The following KDM5B variants were observed in gnomAD, a reference collection of about 807,000 sequenced individuals.
KDM5B encodes lysine demethylase 5B, also known as lysine-specific demethylase 5B.
Under a neutral mutation model 193.4 loss-of-function variants are expected in KDM5B, and 144 were observed. That is an observed-to-expected ratio of 0.74 (90% CI 0.65 to 0.86). The LOEUF (loss-of-function observed/expected upper bound fraction) is 0.86. Ranked by LOEUF, KDM5B falls within the 40% of genes least tolerant of loss-of-function variation. The pLI is 0.00. For synonymous variants in KDM5B, 668 were observed against 682.6 expected, an observed-to-expected ratio of 0.98 and a Z score of 0.33; for missense variants, 1,833 against 1,886.9, an observed-to-expected ratio of 0.97 and a Z score of 0.53.
rs556320379 is a variant in KDM5B, at chr1:202,729,093, C to G, written c.4578G>C (p.Glu1526Asp). ...VCVGVSPEMA[E>D]KEDYICVRCT... is the part of the protein sequence containing the mutation. ...AGCGCACACAGATGTAGTCTTCTTT[C>G]TCTGCCATCTCTGGGGAGACACCAA... is the stretch of plus-strand genomic sequence containing the variant. The change falls in exon 27 of 27, where the codon GAG (glutamate) becomes GAC (aspartate). Residue 1526 changes from glutamate to aspartate, a missense_variant. Physicochemically the swap from Glu to Asp is conservative, Grantham distance 45. This residue lies in a region of KDM5B where 1,379 missense variants were observed against 1,349.6 expected (regional missense o/e 1.02). Transcript: ENST00000367265. The G allele has an allele frequency of 3.2e-5, 51 of 1,614,146 alleles. No homozygotes were observed. In the Admixed American group the frequency reaches 6.0e-4, roughly 19 times the overall value.
In KDM5B at chr1:202,728,675, T is replaced by C. The variant is rs12967; in HGVS notation, c.*361A>G. The C allele has an allele frequency of 1.8e-3, 296 of 167,382 alleles. No individual in the cohort carries two copies. Among genetic ancestry groups the C allele is most frequent in the Non-Finnish European group, 3.3e-3 (254 of 77,220 alleles). 10.4% of individuals were successfully genotyped at this position (167,382 alleles called of 1,614,324 possible). A position where few individuals can be genotyped will look rare whatever the true frequency, so the allele number is the denominator to read the frequency against. On this transcript the variant is annotated 3_prime_UTR_variant, in exon 27 of 27. Coordinates refer to ENST00000367265, the MANE Select transcript of KDM5B (RefSeq NM_006618.5). ...TGCCCTTTTGGGCACTGGAAGTGAG[T>C]TGGACTCTTAAGCTGGTAAATCCCA...
chr1:202,805,019 C>T (rs922683678), intron 1 of KDM5B, among the ~76,000 whole-genome samples: 8 of 152,056 alleles, frequency 5.3e-5, no homozygotes, highest in Non-Finnish European at 1.5e-5. Flanking sequence ...TATTTTTCTG[C>T]CTAATAGTTA....
intron 1 of KDM5B, among the ~76,000 whole-genome samples, chr1:202,799,894 C>A (rs985006717): frequency 7.9e-5 from 12 of 152,126 alleles, no homozygotes; most frequent in African/African-American, 2.9e-4. Flanking sequence ...TTCAAGGAAG[C>A]AGGGAGAAGT....
At chr1:202,790,791 C>T (rs1657615085) in intron 1 of KDM5B, among the ~76,000 whole-genome samples, 2 of 151,954 alleles carry the variant, frequency 1.3e-5, no homozygotes, top group African/African-American at 2.4e-5. Context: ...CCCTAGGCCC[C>T]TTTTGCCCTT....
At chr1:202,750,280 C>T (rs142769675) in intron 13 of KDM5B, among the ~76,000 whole-genome samples, 6 of 152,116 alleles carry the variant, frequency 3.9e-5, no homozygotes, top group Admixed American at 3.9e-4. Context: ...ATCCATGTGA[C>T]ATTTATTTAT....
chr1:202,738,212 T>C (rs529795264), intron 20 of KDM5B, among the ~76,000 whole-genome samples: 4 of 152,346 alleles, frequency 2.6e-5, no homozygotes, highest in African/African-American at 7.2e-5. Flanking sequence ...GTTACAAACA[T>C]AGTAAGTAGC....
chr1:202,772,756 G>T (rs1265723680), intron 4 of KDM5B, among the ~76,000 whole-genome samples: 2 of 151,920 alleles, frequency 1.3e-5, no homozygotes, highest in Non-Finnish European at 2.9e-5. Flanking sequence ...GAGTGAAGTG[G>T]CACCATCTCG....
At position 202,725,572 on chromosome 1, in the gene KDM5B, T is replaced by C. The variant is rs1344545834; in HGVS notation, c.*3464A>G. Reference sequence around the variant, plus strand: ...ACCCTGACCCTCATACATAGCTCAATAAAGGCCGACACTGGGATCTTCATT... The same window carrying C: ...ACCCTGACCCTCATACATAGCTCAACAAAGGCCGACACTGGGATCTTCATT... On this transcript the variant is annotated 3_prime_UTR_variant, in exon 27 of 27. Transcript: ENST00000367265. 6.6e-6 allele frequency: 1 copy of C among 152,210 alleles called. No homozygotes were observed. The highest frequency in any genetic ancestry group is 6.5e-5 in the Admixed American group (1 of 15,278). 9.4% of individuals were successfully genotyped at this position (152,210 alleles called of 1,614,324 possible). A position where few individuals can be genotyped will look rare whatever the true frequency, so the allele number is the denominator to read the frequency against.
At chr1:202,787,699 G>A (rs887963985) in intron 1 of KDM5B, among the ~76,000 whole-genome samples, 3 of 151,726 alleles carry the variant, frequency 2.0e-5, no homozygotes, top group East Asian at 1.9e-4. Context: ...CCTGGCCAAC[G>A]TAGTGAAACC....
At position 202,762,658 on chromosome 1, in the gene KDM5B, GA is replaced by G. The variant is rs762512555; in HGVS notation, c.918+40del. 5 of 1,150,154 alleles carry G rather than the reference GA, an allele frequency of 4.3e-6. No homozygotes were observed. In the South Asian group the frequency reaches 6.1e-5, roughly 14 times the overall value. The allele number at this position is 1,150,154 out of a possible 1,614,324, so 71.2% of individuals were successfully genotyped here. ...GGATTAAAGAAAGGAAGGGAAGAAG[GA>G]AAACAGGAAAGAAAAAGGAGAAAGG... On this transcript the variant is annotated intron_variant, in intron 7 of 26. Coordinates refer to ENST00000367265, the MANE Select transcript of KDM5B (RefSeq NM_006618.5).
chr1:202,729,262 T>G (rs981789895), intron 26 of KDM5B, 89 bp from the exon 27 acceptor site: 65 of 1,441,616 alleles, frequency 4.5e-5, no homozygotes, highest in African/African-American at 7.0e-5. Context: ...TCAGGCCGTT[T>G]GCCAATAACA....
chr1:202,796,287 T>TC, intron 1 of KDM5B: 1 of 418,278 alleles, frequency 2.4e-6, no homozygotes, highest in Admixed American at 2.7e-5. Flanking sequence ...GACCAAATGG[T>TC]CCCCGCTGTG....
chr1:202,746,344 G>A (rs757405997), intron 14 of KDM5B, 21 bp from the exon 15 acceptor site: 2 of 1,541,258 alleles, frequency 1.3e-6, no homozygotes. Flanking sequence ...GTATACTTTA[G>A]AGAGACCTCC....
chr1:202,778,034 A>AT (rs1427797683), intron 1 of KDM5B, among the ~76,000 whole-genome samples: 1 of 151,928 alleles, frequency 6.6e-6, no homozygotes, highest in Non-Finnish European at 1.5e-5. Context: ...AATTAGCCAG[A>AT]TGGGGTGGCA....
chr1:202,739,394 T>G (rs1291574317), intron 20 of KDM5B, among the ~76,000 whole-genome samples: 1 of 152,056 alleles, frequency 6.6e-6, no homozygotes, highest in African/African-American at 2.4e-5. Context: ...ACTGAAACTG[T>G]GCAGCAAGAT....
chr1:202,804,250 A>G (rs1658194871), intron 1 of KDM5B, among the ~76,000 whole-genome samples: 1 of 77,346 alleles, frequency 1.3e-5, no homozygotes, highest in South Asian at 4.1e-4. Flanking sequence ...ATTTCAATAA[A>G]AGGGTTTTTT....
chr1:202,800,823 C>T (rs566557589), intron 1 of KDM5B, among the ~76,000 whole-genome samples: 1 of 152,174 alleles, frequency 6.6e-6, no homozygotes, highest in African/African-American at 2.4e-5. Flanking sequence ...ACCCACCAAC[C>T]GACTCCAACA....
chr1:202,767,023 T>C lies in KDM5B; in HGVS notation c.614A>G (p.Asp205Gly), dbSNP rs1186817695. The change falls in exon 5 of 27, where the codon GAC (aspartate) becomes GGC (glycine). Residue 205 changes from aspartate to glycine, a missense_variant. Asp to Gly is a moderately conservative substitution (Grantham distance 94, BLOSUM62 -1). Around this residue, in one of 3 missense-constraint regions of KDM5B, gnomAD observed 355 missense variants for 374.9 expected, o/e 0.95. Coordinates refer to ENST00000367265, the MANE Select transcript of KDM5B (RefSeq NM_006618.5). Reference protein sequence around the residue: ...QKPNLTTDTKDKEYKPHDIPQ... With the variant: ...QKPNLTTDTKGKEYKPHDIPQ... ...AATATCATGGGGTTTGTACTCCTTG[T>C]CCTTAGTGTCTGTGGTCAGGTTTGG... 6.2e-7 allele frequency: 1 copy of C among 1,608,944 alleles called. No individual in the cohort carries two copies. The highest frequency in any genetic ancestry group is 8.5e-7 in the Non-Finnish European group (1 of 1,178,814).
chr1:202,733,985 A>T (rs1386858690), intron 22 of KDM5B, 99 bp from the exon 23 acceptor site: 1 of 1,386,876 alleles, frequency 7.2e-7, no homozygotes, highest in Non-Finnish European at 9.8e-7. Context: ...TCCTGAGTAG[A>T]TCATCTGTAT....
Sources: gnomAD v4.1 joint callset for allele counts (sites outside exome capture counted in the v4.1 genomes callset) on GRCh38, gnomAD v4.1.1 for gene constraint, gnomAD v4.1.1 regional missense constraint, MANE v1.5 for transcripts, NCBI Gene and HGNC (gene_info 2026-07-23, HGNC 2026-07-21) for gene names.